ARHGAP42: variants seen among roughly 807,000 people sequenced by gnomAD.
ARHGAP42 encodes Rho GTPase activating protein 42, also known as rho GTPase-activating protein 42.
In ARHGAP42, 63 loss-of-function variants were observed where a neutral mutation model predicts 125.0. The ratio of observed to expected loss-of-function variants is 0.50; its 90% CI spans 0.41 to 0.62. The LOEUF (loss-of-function observed/expected upper bound fraction) is 0.62, where lower values mean the gene tolerates loss of function less well. Among genes scored for constraint, ARHGAP42 ranks in the 20% least tolerant of loss-of-function variants. The pLI, the probability that ARHGAP42 is intolerant of heterozygous loss-of-function variation, is 0.00. For missense variants in ARHGAP42, 766 were observed against 1,024.2 expected, an observed-to-expected ratio of 0.75 and a Z score of 3.44; for synonymous variants, 339 against 351.0, an observed-to-expected ratio of 0.97 and a Z score of 0.38.
intron 22 of ARHGAP42, chr11:100,986,095 T>C (rs1858672145): frequency 2.2e-6 from 1 of 456,558 alleles, no homozygotes; most frequent in African/African-American, 2.0e-5. Context: ...TGAGTTATAC[T>C]ACTAAGCATC....
chr11:100,870,682 A>G (rs139343627), intron 4 of ARHGAP42, among the ~76,000 whole-genome samples: 46 of 152,308 alleles, frequency 3.0e-4, no homozygotes, highest in African/African-American at 1.1e-3. Context: ...ACAAACAAGT[A>G]CTCAATAAAA....
At chr11:100,691,988 T>C (rs1861199437) in intron 1 of ARHGAP42, among the ~76,000 whole-genome samples, 1 of 150,214 alleles carries the variant, frequency 6.7e-6, no homozygotes, top group Non-Finnish European at 1.5e-5. Context: ...ATACAACTTT[T>C]ATTTGTCAAT....
At chr11:100,743,956 A>G (rs1432546682) in intron 1 of ARHGAP42, among the ~76,000 whole-genome samples, 1 of 152,170 alleles carries the variant, frequency 6.6e-6, no homozygotes, top group African/African-American at 2.4e-5. Context: ...AGTATCTGAA[A>G]TAGCTATCTC....
chr11:100,925,337 G>A (rs757761398), intron 6 of ARHGAP42, among the ~76,000 whole-genome samples: 1 of 151,956 alleles, frequency 6.6e-6, no homozygotes, highest in Non-Finnish European at 1.5e-5. Context: ...GAAAAAATGG[G>A]CAATAGCTCA....
chr11:100,821,960 A>G (rs1395573366), intron 3 of ARHGAP42, among the ~76,000 whole-genome samples: 1 of 152,082 alleles, frequency 6.6e-6, no homozygotes, highest in Non-Finnish European at 1.5e-5. Context: ...CGATTTCTTC[A>G]TCTAGGTAGA....
In ARHGAP42 at chr11:100,766,752, A is replaced by G. The variant is rs184868675; in HGVS notation, c.155-3591A>G. 2.6e-4 allele frequency among the ~76,000 whole-genome samples: 40 copies of G among 152,292 alleles called. No homozygotes were observed. The East Asian group carries it at 6.8e-3, about 26-fold the overall frequency. ...CCTTGATGGTTTTTTTGACCTCATCATTACTTCGGCATTAGGAAAATGAGA... is the reference window on the plus strand; with the variant it reads ...CCTTGATGGTTTTTTTGACCTCATCGTTACTTCGGCATTAGGAAAATGAGA... On this transcript the variant is annotated intron_variant, in intron 1 of 23. Coordinates refer to ENST00000298815, the MANE Select transcript of ARHGAP42 (RefSeq NM_152432.4).
intron 1 of ARHGAP42, among the ~76,000 whole-genome samples, chr11:100,704,920 G>T (rs143665073): frequency 1.3e-5 from 2 of 150,184 alleles, no homozygotes; most frequent in Non-Finnish European, 3.0e-5. Context: ...TGAGGTTGGA[G>T]TGAGCTATGT....
chr11:100,822,615 A>G (rs1414668685), intron 3 of ARHGAP42, among the ~76,000 whole-genome samples: 1 of 152,152 alleles, frequency 6.6e-6, no homozygotes, highest in Non-Finnish European at 1.5e-5. Flanking sequence ...TGTAGACTAC[A>G]GTGATTTAAT....
intron 1 of ARHGAP42, among the ~76,000 whole-genome samples, chr11:100,742,254 T>C (rs1862203684): frequency 6.6e-6 from 1 of 152,200 alleles, no homozygotes; most frequent in African/African-American, 2.4e-5. Flanking sequence ...TGTTAACTGA[T>C]TGTCAAACTG....
At position 100,804,103 on chromosome 11, in the gene ARHGAP42, A is replaced by G. The variant is rs551195213; in HGVS notation, c.312+8937A>G. On this transcript the variant is annotated intron_variant, in intron 3 of 23. Coordinates refer to ENST00000298815, the MANE Select transcript of ARHGAP42 (RefSeq NM_152432.4). Reference sequence around the variant, plus strand: ...TCCTGCCTCAGCCTCCTGGGTAGCTAGGACTATAGGCACATGCCACCATGG... The same window carrying G: ...TCCTGCCTCAGCCTCCTGGGTAGCTGGGACTATAGGCACATGCCACCATGG... Among the ~76,000 whole-genome samples, 4 of 152,262 alleles carry G rather than the reference A, an allele frequency of 2.6e-5. No homozygotes were observed. In the East Asian group the frequency reaches 7.7e-4, roughly 29 times the overall value.
At chr11:100,796,445 A>C (rs1657361729) in intron 3 of ARHGAP42, among the ~76,000 whole-genome samples, 1 of 152,230 alleles carries the variant, frequency 6.6e-6, no homozygotes, top group African/African-American at 2.4e-5. Context: ...TAAGTGTTCA[A>C]GTGAAAGGAA....
chr11:100,954,108 CT>C (rs1346076241), intron 12 of ARHGAP42, among the ~76,000 whole-genome samples: 1 of 152,152 alleles, frequency 6.6e-6, no homozygotes, highest in African/African-American at 2.4e-5. Flanking sequence ...TCTAGGCTTT[CT>C]TTCTCTGACA....
chr11:100,987,368 C>A, intron 22 of ARHGAP42, 145 bp from the exon 23 acceptor site: 1 of 634,422 alleles, frequency 1.6e-6, no homozygotes, highest in South Asian at 2.0e-5. Context: ...GTGCAAAAAG[C>A]ACCGATGTAC....
intron 10 of ARHGAP42, among the ~76,000 whole-genome samples, chr11:100,947,109 A>G (rs551419467): frequency 2.0e-5 from 3 of 152,006 alleles, no homozygotes; most frequent in Non-Finnish European, 4.4e-5. Flanking sequence ...AAGTTGCAGT[A>G]AAGTCTTCAA....
chr11:100,887,303 C>T (rs939406502), intron 4 of ARHGAP42, among the ~76,000 whole-genome samples: 4 of 152,024 alleles, frequency 2.6e-5, no homozygotes, highest in Admixed American at 1.3e-4. Context: ...CTGTTCAGTC[C>T]GGGGTCAGTG....
At chr11:100,941,701 T>C in intron 8 of ARHGAP42, 83 bp from the exon 9 acceptor site, 1 of 755,658 alleles carries the variant, frequency 1.3e-6, no homozygotes, top group African/African-American at 1.8e-5. Context: ...ATCGGTTGTA[T>C]ATCATAGCAC....
intron 3 of ARHGAP42, among the ~76,000 whole-genome samples, chr11:100,813,827 T>C (rs1384186832): frequency 3.3e-5 from 5 of 152,210 alleles, no homozygotes; most frequent in Non-Finnish European, 7.3e-5. Flanking sequence ...CAAATACTTT[T>C]TCACCAACCC....
At chr11:100,857,905 A>T (rs965677517) in intron 3 of ARHGAP42, among the ~76,000 whole-genome samples, 2 of 152,128 alleles carry the variant, frequency 1.3e-5, no homozygotes, top group South Asian at 2.1e-4. Context: ...ACATTAGCTC[A>T]TGCTTGTGAA....
At chr11:100,829,636 T>C (rs1340261438) in intron 3 of ARHGAP42, among the ~76,000 whole-genome samples, 1 of 152,214 alleles carries the variant, frequency 6.6e-6, no homozygotes, top group Non-Finnish European at 1.5e-5. Context: ...GAAATTACCC[T>C]TTTTCATATT....
Sources: gnomAD v4.1 joint callset for allele counts (sites outside exome capture counted in the v4.1 genomes callset) on GRCh38, gnomAD v4.1.1 for gene constraint, MANE v1.5 for transcripts, NCBI Gene and HGNC (gene_info 2026-07-23, HGNC 2026-07-21) for gene names.